Variants in ZNF407 observed in about 807,000 individuals in gnomAD.
ZNF407 encodes zinc finger protein 407.
ZNF407 carries 17 observed loss-of-function variants against 131.2 expected under a neutral mutation model. The ratio of observed to expected loss-of-function variants is 0.13; its 90% CI spans 0.09 to 0.19. The LOEUF is 0.19. ZNF407 is among the 10% of genes least tolerant of loss of function. The pLI is 1.00. For synonymous variants in ZNF407, 1,156 were observed against 1,062.0 expected (o/e 1.09, Z -1.72); for missense variants, 2,681 against 2,830.6 (o/e 0.95, Z 1.20).
chr18:74,846,011 A>C (rs911913580), intron 4 of ZNF407, among the ~76,000 whole-genome samples: 1 of 152,194 alleles, frequency 6.6e-6, no homozygotes, highest in African/African-American at 2.4e-5. Context: ...TTGAAATTTG[A>C]GTAAATCTAT....
intron 7 of ZNF407, among the ~76,000 whole-genome samples, chr18:74,913,250 C>T (rs980457807): frequency 2.6e-5 from 4 of 152,178 alleles, no homozygotes; most frequent in Non-Finnish European, 5.9e-5. Flanking sequence ...AAGCATTCTA[C>T]AGGATTATTC....
chr18:75,013,142 A>G (rs922154064), intron 8 of ZNF407, among the ~76,000 whole-genome samples: 1 of 152,096 alleles, frequency 6.6e-6, no homozygotes, highest in Non-Finnish European at 1.5e-5. Context: ...TGTGCTGCAG[A>G]TCGCCTGCGT....
intron 8 of ZNF407, among the ~76,000 whole-genome samples, chr18:74,947,367 C>T (rs1972165072): frequency 6.6e-6 from 1 of 152,144 alleles, no homozygotes; most frequent in African/African-American, 2.4e-5. Context: ...TCCATGCCAC[C>T]TTCAGCTGAG....
intron 8 of ZNF407, among the ~76,000 whole-genome samples, chr18:74,943,914 C>T (rs1376506257): frequency 2.6e-5 from 4 of 152,078 alleles, no homozygotes; most frequent in East Asian, 1.9e-4. Context: ...TTTTCCCCTT[C>T]GAATTTCTAC....
rs900647887 is a variant in ZNF407, at chr18:74,968,932, C to T, written c.5428+48240C>T. Among the ~76,000 whole-genome samples the T allele has an allele frequency of 2.0e-5, 3 of 152,214 alleles. No homozygotes were observed. In the South Asian group the frequency reaches 6.2e-4, roughly 32 times the overall value. ...GGGCTTTTGTCATTGTCCCCATGTT[C>T]CCTCGGGCTCTGTGCATTTTGTTCC... On this transcript the variant is annotated intron_variant, in intron 8 of 8. Transcript: ENST00000299687.
intron 3 of ZNF407, among the ~76,000 whole-genome samples, chr18:74,757,898 A>G (rs1023782789): frequency 2.0e-5 from 3 of 152,060 alleles, no homozygotes; most frequent in Admixed American, 6.5e-5. Flanking sequence ...TTTGGCTTCT[A>G]GTAACAATCT....
rs1973665276 is a variant in ZNF407 at position 75,063,482 on chromosome 18, G to A, written c.5761G>A (p.Val1921Ile). Residue 1921 changes from valine (V) to isoleucine (I), a missense_variant, in exon 9 of 9, where the codon GTA (valine) becomes ATA (isoleucine). Transcript: ENST00000299687. This position sits in a 1 kb window ranked among gnomAD's most constrained non-coding sequence, Gnocchi z 6.6. The stretch of plus-strand genomic sequence containing the variant: ...CGCCACGAGTCAGAGCGGGGCACAT[G>A]TAGGCAGCGTGGTGCCCGGACCCAT... The part of the protein sequence containing the change: ...VIATSQSGAH[V>I]GSVVPGPILP... 1 of 1,600,454 alleles carries A rather than the reference G, an allele frequency of 6.2e-7. No homozygotes were observed. Among genetic ancestry groups the A allele is most frequent in the African/African-American group, 1.3e-5 (1 of 74,842 alleles).
intron 4 of ZNF407, among the ~76,000 whole-genome samples, chr18:74,829,457 G>A (rs1223811280): frequency 6.6e-6 from 1 of 152,136 alleles, no homozygotes; most frequent in African/African-American, 2.4e-5. Context: ...GCAACTCCTG[G>A]ATCTCGATTT....
chr18:74,745,353 A>G (rs1464191672), intron 3 of ZNF407, among the ~76,000 whole-genome samples: 2 of 126,744 alleles, frequency 1.6e-5, no homozygotes, highest in Non-Finnish European at 3.3e-5. Flanking sequence ...AAAGGGCTAA[A>G]TATTGCTAAT....
chr18:74,702,266 G>C (rs1967515440), intron 3 of ZNF407, among the ~76,000 whole-genome samples: 1 of 152,114 alleles, frequency 6.6e-6, no homozygotes, highest in African/African-American at 2.4e-5. Context: ...GGATGTATGT[G>C]TTTTATTCAT....
At position 74,632,158 on chromosome 18, in the gene ZNF407, G is replaced by A. The variant is rs747372496; in HGVS notation, c.1139G>A (p.Arg380Lys). The A allele has an allele frequency of 6.2e-7, 1 of 1,613,958 alleles. No homozygotes were observed. The highest frequency in any genetic ancestry group is 8.5e-7 in the Non-Finnish European group (1 of 1,179,904). Residue 380 changes from arginine (R) to lysine (K), a missense_variant, in exon 2 of 9, where the codon AGA becomes AAA. Physicochemically the swap from Arg to Lys is conservative, Grantham distance 26. Transcript: ENST00000299687. The part of the protein sequence containing the change: ...GLAQNPENQS[R>K]KLDTLVTSEG... The stretch of plus-strand genomic sequence containing the variant: ...GCTCAGAATCCTGAAAACCAGAGTA[G>A]AAAGCTAGACACCTTAGTAACCTCA...
intron 8 of ZNF407, among the ~76,000 whole-genome samples, chr18:74,980,607 A>G (rs1051608674): frequency 3.3e-5 from 5 of 152,156 alleles, no homozygotes; most frequent in Non-Finnish European, 1.5e-5. Context: ...CCACCCAGCC[A>G]ATTGTTGAAT....
At chr18:74,946,117 T>A (rs1972151356) in intron 8 of ZNF407, among the ~76,000 whole-genome samples, 2 of 152,236 alleles carry the variant, frequency 1.3e-5, no homozygotes, top group African/African-American at 4.8e-5. Context: ...AGCTGTACTA[T>A]CTAGAGGTAC....
chr18:74,788,274 A>G (rs946190388), intron 4 of ZNF407, among the ~76,000 whole-genome samples: 2 of 152,206 alleles, frequency 1.3e-5, no homozygotes, highest in African/African-American at 4.8e-5. Context: ...GTTTTTGAGT[A>G]AAACCAATAT....
chr18:74,741,877 T>C (rs1968559338), intron 3 of ZNF407, among the ~76,000 whole-genome samples: 4 of 152,214 alleles, frequency 2.6e-5, no homozygotes. Flanking sequence ...GCTGCCCAGT[T>C]GGATTTTACA....
chr18:74,967,846 C>A (rs1235353384), intron 8 of ZNF407, among the ~76,000 whole-genome samples: 1 of 152,182 alleles, frequency 6.6e-6, no homozygotes, highest in Non-Finnish European at 1.5e-5. Context: ...TTTCTGGGAC[C>A]TAAAATTATA....
chr18:74,797,430 C>T (rs1568220150), intron 4 of ZNF407, among the ~76,000 whole-genome samples: 1 of 152,152 alleles, frequency 6.6e-6, no homozygotes, highest in Non-Finnish European at 1.5e-5. Flanking sequence ...TGAATGGTAC[C>T]AGTGGGTAGA....
chr18:74,674,478 A>AAT (rs76836080), intron 3 of ZNF407, among the ~76,000 whole-genome samples: 13,618 of 152,284 alleles, frequency 0.089, 803 homozygotes, highest in Non-Finnish European at 0.14. Context: ...GTCAATGATC[A>AAT]ATACCTTTGC....
rs542495906 is a variant in ZNF407 at position 75,023,612 on chromosome 18, G to A, written c.5429-39538G>A. 2.0e-5 allele frequency among the ~76,000 whole-genome samples: 3 copies of A among 152,184 alleles called. No individual in the cohort carries two copies. The South Asian group carries it at 6.2e-4, about 32-fold the overall frequency. ...ACTGCCGACAGCTGACCACTTCATC[G>A]TGACCACCCACTCCTTCATCCCACA... On this transcript the variant is annotated intron_variant, in intron 8 of 8. Coordinates refer to ENST00000299687, the MANE Select transcript of ZNF407 (RefSeq NM_017757.3).
Sources: allele counts gnomAD v4.1 joint callset (sites outside exome capture counted in the v4.1 genomes callset), GRCh38; gene constraint gnomAD v4.1.1; non-coding constraint Gnocchi (gnomAD v3.1); transcripts MANE v1.5; gene names NCBI Gene and HGNC (gene_info 2026-07-23, HGNC 2026-07-21).